Variants in CCDC148 observed in about 807,000 individuals in gnomAD.
CCDC148 encodes coiled-coil domain-containing protein 148.
In CCDC148, 89 loss-of-function variants were observed where a neutral mutation model predicts 85.7. The observed-to-expected ratio is 1.04, with a 90% confidence interval of 0.87 to 1.24. CCDC148 has a LOEUF of 1.24. CCDC148 is among the 50% of genes most tolerant of loss of function. The pLI, the probability that CCDC148 is intolerant of heterozygous loss-of-function variation, is 0.00. For synonymous variants in CCDC148, 230 were observed against 213.9 expected, an observed-to-expected ratio of 1.08 and a Z score of -0.66; for missense variants, 692 against 671.7, an observed-to-expected ratio of 1.03 and a Z score of -0.33.
At chr2:158,203,784 C>A (rs907850452) in intron 11 of CCDC148, among the ~76,000 whole-genome samples, 2 of 152,056 alleles carry the variant, frequency 1.3e-5, no homozygotes, top group South Asian at 2.1e-4. Context: ...TCAGGAGATG[C>A]GTATGTACCT....
intron 1 of CCDC148, among the ~76,000 whole-genome samples, chr2:158,384,880 C>CCTG (rs773321714): frequency 1.3e-5 from 2 of 152,154 alleles, no homozygotes; most frequent in Admixed American, 1.3e-4. Flanking sequence ...CATGACTTTG[C>CCTG]TCAGAGTTTG....
intron 12 of CCDC148, among the ~76,000 whole-genome samples, chr2:158,177,752 T>C (rs1307956243): frequency 6.6e-6 from 1 of 152,178 alleles, no homozygotes; most frequent in Non-Finnish European, 1.5e-5. Context: ...TCAAAGAAGA[T>C]GATGATATAA....
At chr2:158,303,283 T>C (rs1214480924) in intron 9 of CCDC148, among the ~76,000 whole-genome samples, 1 of 152,222 alleles carries the variant, frequency 6.6e-6, no homozygotes, top group African/African-American at 2.4e-5. Context: ...GCCTACTTTA[T>C]AGCACACTGG....
intron 8 of CCDC148, among the ~76,000 whole-genome samples, chr2:158,312,974 A>T (rs990752227): frequency 6.6e-6 from 1 of 152,228 alleles, no homozygotes. Flanking sequence ...TTCTATATAC[A>T]TGTGAGTATT....
chr2:158,452,678 T>C (rs1419093595), intron 1 of CCDC148, among the ~76,000 whole-genome samples: 1 of 152,150 alleles, frequency 6.6e-6, no homozygotes, highest in African/African-American at 2.4e-5. Flanking sequence ...TAGGGGTCAA[T>C]GGTTAGGCAG....
chr2:158,247,112 T>A (rs904793802), intron 10 of CCDC148, among the ~76,000 whole-genome samples: 1 of 152,128 alleles, frequency 6.6e-6, no homozygotes, highest in Non-Finnish European at 1.5e-5. Context: ...ATGCAACCCA[T>A]ATAACTACAA....
intron 1 of CCDC148, among the ~76,000 whole-genome samples, chr2:158,398,683 A>G (rs978590305): frequency 6.6e-6 from 1 of 152,188 alleles, no homozygotes; most frequent in African/African-American, 2.4e-5. Context: ...GAAAGATCTA[A>G]AATCGACACC....
At chr2:158,189,294 T>C (rs1436038479) in intron 11 of CCDC148, among the ~76,000 whole-genome samples, 1 of 151,814 alleles carries the variant, frequency 6.6e-6, no homozygotes, top group Non-Finnish European at 1.5e-5. Flanking sequence ...CCTAAGCTAG[T>C]TTGAGTTAGG....
intron 11 of CCDC148, among the ~76,000 whole-genome samples, chr2:158,200,844 A>G (rs1460262405): frequency 6.6e-6 from 1 of 152,196 alleles, no homozygotes; most frequent in African/African-American, 2.4e-5. Flanking sequence ...TCTTTACCTA[A>G]AAGTTTCACC....
At position 158,227,295 on chromosome 2, in the gene CCDC148, T is replaced by C. The variant is rs967988155; in HGVS notation, c.1252-6582A>G. 5.5e-3 allele frequency among the ~76,000 whole-genome samples: 831 copies of C among 149,926 alleles called. 45 individuals carry two copies. The highest frequency in any genetic ancestry group is 0.02 in the African/African-American group (800 of 40,246). On this transcript the variant is annotated intron_variant, in intron 10 of 13. Transcript: ENST00000283233. The stretch of plus-strand genomic sequence containing the variant: ...AGGAGAACTACAAACCATGGCTCAA[T>C]GAAATAAAAGAGGATACAAACAAAT...
In CCDC148 at chr2:158,237,127, T is replaced by A. The variant is rs1041822369; in HGVS notation, c.1251+13645A>T. 2.0e-5 allele frequency among the ~76,000 whole-genome samples: 3 copies of A among 152,130 alleles called. 1 individual carries two copies. In the South Asian group the frequency reaches 6.2e-4, roughly 32 times the overall value. ...CTGAGCAAAAGGCTGAGAGGACATA[T>A]GCTCGAGTGTTCATGGAGTAGGAAG... is the stretch of plus-strand genomic sequence containing the variant. On this transcript the variant is annotated intron_variant, in intron 10 of 13. Transcript: ENST00000283233.
intron 10 of CCDC148, among the ~76,000 whole-genome samples, chr2:158,241,076 C>T (rs2105320788): frequency 6.6e-6 from 1 of 152,238 alleles, no homozygotes; most frequent in South Asian, 2.1e-4. Flanking sequence ...AACAAAGGCA[C>T]TCTCCTAACC....
In CCDC148 at chr2:158,183,172, A is replaced by G. The variant is rs1056594635; in HGVS notation, c.1371-4176T>C. Among the ~76,000 whole-genome samples the G allele has an allele frequency of 7.9e-5, 12 of 152,252 alleles. No homozygotes were observed. The South Asian group carries it at 1.9e-3, about 24-fold the overall frequency. Reference sequence around the variant, plus strand: ...AGAAGCATCATATTGTTCAAAAGCAACAGCTGCTGCAGAATCCGGCACAGC... The same window carrying G: ...AGAAGCATCATATTGTTCAAAAGCAGCAGCTGCTGCAGAATCCGGCACAGC... On this transcript the variant is annotated intron_variant, in intron 11 of 13. Transcript: ENST00000283233.
chr2:158,177,718 A>C (rs1684664516), intron 12 of CCDC148, among the ~76,000 whole-genome samples: 1 of 152,132 alleles, frequency 6.6e-6, no homozygotes, highest in African/African-American at 2.4e-5. Flanking sequence ...TATGCTTTAA[A>C]TTTATCTTTA....
intron 9 of CCDC148, among the ~76,000 whole-genome samples, chr2:158,299,423 C>G (rs1314084238): frequency 6.6e-6 from 1 of 152,186 alleles, no homozygotes. Flanking sequence ...ATTGTATTTG[C>G]CTTTGCAGCC....
At chr2:158,315,709 C>G (rs1692248076) in intron 7 of CCDC148, among the ~76,000 whole-genome samples, 1 of 152,024 alleles carries the variant, frequency 6.6e-6, no homozygotes, top group Non-Finnish European at 1.5e-5. Context: ...GCAGATAACT[C>G]ACAGATGCCC....
intron 7 of CCDC148, among the ~76,000 whole-genome samples, chr2:158,326,961 C>T (rs73968920): frequency 0.013 from 2,020 of 152,214 alleles, 54 homozygotes; most frequent in African/African-American, 0.046. Context: ...CACCCTAACC[C>T]TTACATATTG....
intron 1 of CCDC148, among the ~76,000 whole-genome samples, chr2:158,405,527 A>G (rs1170287581): frequency 6.6e-6 from 1 of 151,796 alleles, no homozygotes; most frequent in African/African-American, 2.4e-5. Flanking sequence ...GCAATATCTT[A>G]TTACCCAGAT....
chr2:158,429,199 T>G (rs1486968314), intron 1 of CCDC148, among the ~76,000 whole-genome samples: 1 of 152,098 alleles, frequency 6.6e-6, no homozygotes, highest in Non-Finnish European at 1.5e-5. Context: ...GACGAGTTAA[T>G]GGGTGCAGCA....
Sources: gnomAD v4.1 joint callset for allele counts (sites outside exome capture counted in the v4.1 genomes callset) on GRCh38, gnomAD v4.1.1 for gene constraint, MANE v1.5 for transcripts, NCBI Gene and HGNC (gene_info 2026-07-23, HGNC 2026-07-21) for gene names.